Variants in CPNE7 observed in about 807,000 individuals in gnomAD.
The protein encoded by CPNE7 is copine-7.
In CPNE7, 78 loss-of-function variants were observed where a neutral mutation model predicts 66.5. That is an observed-to-expected ratio of 1.17 (90% CI 0.98 to 1.42). The LOEUF is 1.42. Among genes scored for constraint, CPNE7 ranks in the 40% most tolerant of loss-of-function variants. The pLI, the probability that CPNE7 is intolerant of heterozygous loss-of-function variation, is 0.00. For synonymous variants in CPNE7, 468 were observed against 336.7 expected, an observed-to-expected ratio of 1.39 and a Z score of -4.27; for missense variants, 1,012 against 776.6, an observed-to-expected ratio of 1.30 and a Z score of -3.60.
At chr16:89,595,717 G>A (rs1597724872) in intron 14 of CPNE7, 114 bp downstream of exon 14, 1 of 935,920 alleles carries the variant, frequency 1.1e-6, no homozygotes, top group Admixed American at 1.8e-5. Flanking sequence ...GTCCCTTCTT[G>A]TGTCTGGGGG....
rs369740454 is a variant in CPNE7 at position 89,588,751 on chromosome 16, C to T, written c.1004C>T (p.Pro335Leu). The change falls in exon 10 of 15, where the codon CCG becomes CTG. Residue 335 changes from proline (P) to leucine (L), a missense_variant. By Grantham distance (98) the Pro-to-Leu change is moderately conservative. Transcript: ENST00000319518. ...CTGCACTACATCAACCCCTACCAGC[C>T]GAACGAGTACCTGAAGGCACTGGTG... The part of the protein sequence containing the change: ...CSLHYINPYQ[P>L]NEYLKALVSV... 26 of 1,613,626 alleles carry T rather than the reference C, an allele frequency of 1.6e-5. No individual in the cohort carries two copies. Among genetic ancestry groups the T allele is most frequent in the African/African-American group, 6.7e-5 (5 of 74,920 alleles).
chr16:89,595,313 C>A, intron 13 of CPNE7, 54 bp from the exon 14 acceptor site: 3 of 1,445,974 alleles, frequency 2.1e-6, no homozygotes, highest in Non-Finnish European at 2.8e-6. Flanking sequence ...GGTTGCAGGG[C>A]GCATGTGGGC....
At chr16:89,591,838 C>T (rs2377054) in intron 13 of CPNE7, among the ~76,000 whole-genome samples, 79,866 of 150,690 alleles carry the variant, frequency 0.53, 21,504 homozygotes, top group Middle Eastern at 0.68. Flanking sequence ...GGAGCTGGGA[C>T]TACAGGCGCC....
Position 89,579,530 on chromosome 16 carries a change from C to G in CPNE7, c.357+1809C>G, listed in dbSNP as rs552723789. On this transcript the variant is annotated intron_variant, in intron 2 of 14. Transcript: ENST00000319518. ...TCCCATCACACAGAACATCCCATCACTTGTCACATCTCACCCATGACACGG... is the reference window on the plus strand; with the variant it reads ...TCCCATCACACAGAACATCCCATCAGTTGTCACATCTCACCCATGACACGG... 8.0e-5 allele frequency among the ~76,000 whole-genome samples: 12 copies of G among 150,060 alleles called. No individual in the cohort carries two copies. The South Asian group carries it at 1.5e-3, about 19-fold the overall frequency.
intron 9 of CPNE7, chr16:89,587,726 G>C (rs2059084037): frequency 5.7e-6 from 1 of 176,302 alleles, no homozygotes; most frequent in South Asian, 4.3e-5. Flanking sequence ...GCACCCCCGT[G>C]TCACCCACAG....
At position 89,578,589 on chromosome 16, in the gene CPNE7, A is replaced by T. The variant is rs112572691; in HGVS notation, c.357+868A>T. 4.9e-3 allele frequency among the ~76,000 whole-genome samples: 744 copies of T among 151,664 alleles called. 2 individuals carry two copies. Among genetic ancestry groups the T allele is most frequent in the Non-Finnish European group, 7.9e-3 (539 of 67,902 alleles). On this transcript the variant is annotated intron_variant, in intron 2 of 14. Transcript: ENST00000319518. ...AGCCTGGCCAACATGCTGAAACCTC[A>T]TCTCTACAAAAAGTACAATAATTAG...
Position 89,577,698 on chromosome 16 carries a change from G to T in CPNE7, c.334G>T (p.Gly112Cys), listed in dbSNP as rs752650209. The change falls in exon 2 of 15, where the codon GGC (glycine) becomes TGC (cysteine). Residue 112 changes from glycine to cysteine, a missense_variant. Coordinates refer to ENST00000319518, the MANE Select transcript of CPNE7 (RefSeq NM_153636.3). Reference sequence around the variant, plus strand: ...CTGTCAGGAGGACGATTTCCTGGGGGGCATGGAGTGCACCCTGGGGCAGGT... The same window carrying T: ...CTGTCAGGAGGACGATTTCCTGGGGTGCATGGAGTGCACCCTGGGGCAGGT... ...FSCQEDDFLG[G>C]MECTLGQIVA... 1.4e-5 allele frequency: 23 copies of T among 1,598,810 alleles called. No homozygotes were observed. The highest frequency in any genetic ancestry group is 1.9e-5 in the Non-Finnish European group (22 of 1,173,182).
In CPNE7 at chr16:89,589,303, ACT is replaced by A. The variant is rs374243707; in HGVS notation, c.1061+498_1061+499del. 1.9e-3 allele frequency among the ~76,000 whole-genome samples: 296 copies of A among 151,942 alleles called. 2 individuals carry two copies. Among genetic ancestry groups the A allele is most frequent in the African/African-American group, 6.7e-3 (277 of 41,420 alleles). On this transcript the variant is annotated intron_variant, in intron 10 of 14. Coordinates refer to ENST00000319518, the MANE Select transcript of CPNE7 (RefSeq NM_153636.3). The stretch of plus-strand genomic sequence containing the variant: ...CAAGACTCCGTCTCAAAAAAAAGAG[ACT>A]CTGCGAGGAAGGGCTGGGTAGCCCT...
At chr16:89,580,577 C>CCCA (rs2058938265) in intron 2 of CPNE7, among the ~76,000 whole-genome samples, 3 of 142,948 alleles carry the variant, frequency 2.1e-5, no homozygotes, top group East Asian at 2.1e-4. Flanking sequence ...CACGGAACAT[C>CCCA]TCACCCATCA....
In CPNE7 at chr16:89,596,627, T is replaced by G; in HGVS notation, c.*6T>G. ...GCCCAGGCTGCACACCGTGAAGATG[T>G]GGAGGGCGTAGGGTGGGGGCAGTGA... On this transcript the variant is annotated 3_prime_UTR_variant, in exon 15 of 15. Transcript: ENST00000319518. 6.3e-7 allele frequency: 1 copy of G among 1,594,650 alleles called. No individual in the cohort carries two copies. The highest frequency in any genetic ancestry group is 8.5e-7 in the Non-Finnish European group (1 of 1,175,420).
intron 1 of CPNE7, 70 bp from the exon 2 acceptor site, chr16:89,577,469 G>C: frequency 6.8e-7 from 1 of 1,475,002 alleles, no homozygotes; most frequent in Admixed American, 2.0e-5. Context: ...GAGCGGCAGA[G>C]GGGAGATGGA....
At chr16:89,592,703 A>G (rs1300124447) in intron 13 of CPNE7, among the ~76,000 whole-genome samples, 2 of 150,810 alleles carry the variant, frequency 1.3e-5, no homozygotes, top group African/African-American at 4.9e-5. Flanking sequence ...CGGCCTCCCA[A>G]AGTGCTGGGA....
intron 2 of CPNE7, among the ~76,000 whole-genome samples, chr16:89,582,746 G>T (rs2058974959): frequency 1.3e-5 from 2 of 152,244 alleles, no homozygotes; most frequent in African/African-American, 4.8e-5. Flanking sequence ...TGGAGGGACT[G>T]CCCCTCTCTG....
In CPNE7 at chr16:89,585,449, C is replaced by A; in HGVS notation, c.592-15C>A. The A allele has an allele frequency of 6.2e-7, 1 of 1,601,482 alleles. No homozygotes were observed. Among genetic ancestry groups the A allele is most frequent in the East Asian group, 2.3e-5 (1 of 44,440 alleles). ...GCCCTGGGCCTCCCCTGAGCCAGCCCCTCCCGGCCCACAGGTGGTGAAGAA... is the reference window on the plus strand; with the variant it reads ...GCCCTGGGCCTCCCCTGAGCCAGCCACTCCCGGCCCACAGGTGGTGAAGAA... On this transcript the variant is annotated splice_polypyrimidine_tract_variant and intron_variant, in intron 5 of 14. Coordinates refer to ENST00000319518, the MANE Select transcript of CPNE7 (RefSeq NM_153636.3).
At chr16:89,590,249 G>C (rs537375163) in intron 11 of CPNE7, among the ~76,000 whole-genome samples, 1 of 152,218 alleles carries the variant, frequency 6.6e-6, no homozygotes, top group South Asian at 2.1e-4. Flanking sequence ...CTTCGGCCAG[G>C]CGTGGTGGCT....
rs1241562708 is a variant in CPNE7, at chr16:89,587,057, C to T, written c.882C>T (p.Tyr294=). The change falls in exon 9 of 15, where the codon TAC becomes TAT. Residue 294 remains tyrosine (Y), a synonymous_variant. Coordinates refer to ENST00000319518, the MANE Select transcript of CPNE7 (RefSeq NM_153636.3). ...CCGGCCGGAAGTTCCACAGGGTGTA[C>T]TCCTTCCTGGACTATATCATGGGCG... The part of the protein sequence containing the change: ...VLADLKFHRV[Y]SFLDYIMGGC... 5 of 1,580,662 alleles carry T rather than the reference C, an allele frequency of 3.2e-6. No homozygotes were observed. The highest frequency in any genetic ancestry group is 4.3e-6 in the Non-Finnish European group (5 of 1,163,172).
rs147755626 is a variant in CPNE7 at position 89,593,240 on chromosome 16, T to A, written c.1302+1980T>A. Among the ~76,000 whole-genome samples the A allele has an allele frequency of 5.0e-3, 756 of 152,314 alleles. 8 individuals are homozygous for A. Among genetic ancestry groups the A allele is most frequent in the African/African-American group, 0.017 (710 of 41,534 alleles). On this transcript the variant is annotated intron_variant, in intron 13 of 14. Transcript: ENST00000319518. ...TATATCTGTTTGCATCTATTTTTAA[T>A]TTATACAGATAGTATCGTGATAAAG...
intron 2 of CPNE7, chr16:89,578,890 A>C: frequency 6.2e-7 from 1 of 1,613,416 alleles, no homozygotes; most frequent in Non-Finnish European, 8.5e-7. Flanking sequence ...AGTCGTGATG[A>C]GAGTGTCTGT....
At chr16:89,579,124 A>T in intron 2 of CPNE7, 1 of 594,906 alleles carries the variant, frequency 1.7e-6, no homozygotes, top group Non-Finnish European at 2.7e-6. Context: ...CCCCATCTCT[A>T]CTAAAAATAG....
Sources: gnomAD v4.1 joint callset for allele counts (sites outside exome capture counted in the v4.1 genomes callset) on GRCh38, gnomAD v4.1.1 for gene constraint, MANE v1.5 for transcripts, NCBI Gene and HGNC (gene_info 2026-07-23, HGNC 2026-07-21) for gene names.